The following NEGR1 variants were observed in gnomAD, a reference collection of about 807,000 sequenced individuals.
The protein encoded by NEGR1 is IgLON family member 4.
NEGR1 carries 10 observed loss-of-function variants against 40.9 expected under a neutral mutation model. The observed-to-expected ratio is 0.24, with a 90% CI of 0.15 to 0.42. The LOEUF (loss-of-function observed/expected upper bound fraction) is 0.42. Ranked by LOEUF, NEGR1 falls within the 10% of genes least tolerant of loss-of-function variation. NEGR1 has a pLI of 1.00. For synonymous variants in NEGR1, 185 were observed against 166.8 expected, an observed-to-expected ratio of 1.11 and a Z score of -0.84; for missense variants, 352 against 438.9, an observed-to-expected ratio of 0.80 and a Z score of 1.77.
intron 4 of NEGR1, among the ~76,000 whole-genome samples, chr1:71,649,515 G>T (rs900068747): frequency 3.3e-4 from 50 of 152,030 alleles, no homozygotes; most frequent in Admixed American, 2.6e-4. Flanking sequence ...TGAAAATCAT[G>T]GTCATGAGGC....
chr1:72,010,624 C>A (rs544772541), intron 1 of NEGR1, among the ~76,000 whole-genome samples: 5 of 151,370 alleles, frequency 3.3e-5, no homozygotes, highest in South Asian at 4.2e-4. Context: ...ACCCCTTTCT[C>A]CACTCTCCCA....
At chr1:71,427,082 C>T (rs1400551415) in intron 6 of NEGR1, among the ~76,000 whole-genome samples, 1 of 152,190 alleles carries the variant, frequency 6.6e-6, no homozygotes, top group Middle Eastern at 3.2e-3. Context: ...GCTTTGTTAG[C>T]TCACCTAAAA....
chr1:72,181,562 A>G (rs1486153943), intron 1 of NEGR1, among the ~76,000 whole-genome samples: 1 of 152,150 alleles, frequency 6.6e-6, no homozygotes. Context: ...TCTCACTTTG[A>G]GGCATATACC....
intron 6 of NEGR1, among the ~76,000 whole-genome samples, chr1:71,526,191 A>G (rs1464252435): frequency 1.3e-5 from 2 of 151,592 alleles, no homozygotes; most frequent in Non-Finnish European, 1.5e-5. Context: ...CATTATATTC[A>G]GGCATATTAA....
chr1:71,845,561 C>A (rs1659376901), intron 2 of NEGR1, among the ~76,000 whole-genome samples: 1 of 152,178 alleles, frequency 6.6e-6, no homozygotes, highest in African/African-American at 2.4e-5. Flanking sequence ...CACTGACTAT[C>A]ATGTCCTATT....
chr1:71,748,525 A>T (rs1258469759), intron 3 of NEGR1, among the ~76,000 whole-genome samples: 1 of 152,186 alleles, frequency 6.6e-6, no homozygotes, highest in Non-Finnish European at 1.5e-5. Context: ...TTGAGACCTT[A>T]TTAATGACCT....
intron 6 of NEGR1, among the ~76,000 whole-genome samples, chr1:71,462,126 T>A (rs565171394): frequency 3.3e-5 from 5 of 152,300 alleles, no homozygotes; most frequent in South Asian, 2.1e-4. Flanking sequence ...GATAATTGCA[T>A]CTAAAATTTT....
chr1:71,960,040 A>G (rs1318973359), intron 1 of NEGR1, among the ~76,000 whole-genome samples: 2 of 152,130 alleles, frequency 1.3e-5, no homozygotes, highest in Non-Finnish European at 2.9e-5. Flanking sequence ...TTAGCTCTCA[A>G]ATTAAAAACT....
intron 4 of NEGR1, among the ~76,000 whole-genome samples, chr1:71,628,699 A>G (rs1167998458): frequency 6.6e-6 from 1 of 151,992 alleles, no homozygotes; most frequent in Non-Finnish European, 1.5e-5. Context: ...TTTGCTGAGA[A>G]TGATGGTTTC....
At chr1:71,488,182 T>C (rs1251483901) in intron 6 of NEGR1, 3 of 151,862 alleles carry the variant, frequency 2.0e-5, no homozygotes, top group Non-Finnish European at 4.4e-5. Flanking sequence ...ACAGTGCTGG[T>C]TACTGCTTGC....
chr1:72,135,397 CAA>C lies in NEGR1; in HGVS notation c.176+146920_176+146921del, dbSNP rs1386681075. On this transcript the variant is annotated intron_variant, in intron 1 of 6. Transcript: ENST00000357731. Reference sequence around the variant, plus strand: ...TCTCAAAAAAAAAAAAAACAAAAAACAAAAAACAAAAAAAAAAACAAAACCAA... The same window carrying C: ...TCTCAAAAAAAAAAAAAACAAAAAACAAAACAAAAAAAAAAACAAAACCAA... Among the ~76,000 whole-genome samples, 179 of 26,608 alleles carry C rather than the reference CAA, an allele frequency of 6.7e-3. 3 individuals are homozygous for C. Among genetic ancestry groups the C allele is most frequent in the African/African-American group, 0.023 (173 of 7,518 alleles). The allele number at this position is 26,608 out of a possible 152,430, so 17.5% of individuals were successfully genotyped here. A position where few individuals can be genotyped will look rare whatever the true frequency, so the allele number is the denominator to read the frequency against.
chr1:71,801,801 G>A (rs989996080), intron 2 of NEGR1, among the ~76,000 whole-genome samples: 7 of 152,140 alleles, frequency 4.6e-5, no homozygotes, highest in African/African-American at 1.7e-4. Context: ...TATCTGTTAT[G>A]TACTGCATTC....
At chr1:71,898,156 A>G (rs553214470) in intron 2 of NEGR1, among the ~76,000 whole-genome samples, 2 of 152,324 alleles carry the variant, frequency 1.3e-5, no homozygotes, top group South Asian at 4.1e-4. Context: ...ATTCAATGAC[A>G]TTACTGAAGT....
chr1:72,096,819 C>T (rs1262255992), intron 1 of NEGR1, among the ~76,000 whole-genome samples: 1 of 151,930 alleles, frequency 6.6e-6, no homozygotes, highest in Non-Finnish European at 1.5e-5. Flanking sequence ...CGCCACAACG[C>T]CCGGCTATTT....
rs532635874 is a variant in NEGR1 at position 71,429,981 on chromosome 1, C to T, written c.941-22411G>A. Among the ~76,000 whole-genome samples, 9 of 152,250 alleles carry T rather than the reference C, an allele frequency of 5.9e-5. No homozygotes were observed. The South Asian group carries it at 1.7e-3, about 28-fold the overall frequency. ...CTATGTTCAAGGCCTTTTGCCAGCC[C>T]CTGCCTCTCTTCTCAGAAAGGTAAT... is the stretch of plus-strand genomic sequence containing the variant. On this transcript the variant is annotated intron_variant, in intron 6 of 6. Coordinates refer to ENST00000357731, the MANE Select transcript of NEGR1 (RefSeq NM_173808.3).
At chr1:71,418,352 C>T (rs537614552) in intron 6 of NEGR1, among the ~76,000 whole-genome samples, 15 of 151,438 alleles carry the variant, frequency 9.9e-5, no homozygotes, top group Admixed American at 2.6e-4. Context: ...CTTACTCTGT[C>T]GCCCAGGCTG....
At chr1:72,207,352 C>T (rs1653446531) in intron 1 of NEGR1, among the ~76,000 whole-genome samples, 1 of 151,710 alleles carries the variant, frequency 6.6e-6, no homozygotes, top group Non-Finnish European at 1.5e-5. Flanking sequence ...ATCAAACATA[C>T]AGTAAAGAAG....
At chr1:72,130,533 G>A (rs981802520) in intron 1 of NEGR1, among the ~76,000 whole-genome samples, 1 of 152,112 alleles carries the variant, frequency 6.6e-6, no homozygotes, top group Non-Finnish European at 1.5e-5. Context: ...CTGGCGTTTA[G>A]TGCTTTTTTG....
At chr1:72,162,672 T>A (rs1271550594) in intron 1 of NEGR1, among the ~76,000 whole-genome samples, 1 of 152,004 alleles carries the variant, frequency 6.6e-6, no homozygotes, top group Non-Finnish European at 1.5e-5. Context: ...AATTGGTTAT[T>A]GAAAATACAT....
Sources: allele counts gnomAD v4.1 joint callset (sites outside exome capture counted in the v4.1 genomes callset), GRCh38; gene constraint gnomAD v4.1.1; transcripts MANE v1.5; gene names NCBI Gene and HGNC (gene_info 2026-07-23, HGNC 2026-07-21).